POMT2: variants seen among roughly 807,000 people sequenced by gnomAD.
The protein encoded by POMT2 is protein O-mannosyl-transferase 2.
In POMT2, 75 loss-of-function variants were observed where a neutral mutation model predicts 100.0. The observed-to-expected ratio is 0.75, with a 90% CI of 0.62 to 0.91. The LOEUF is 0.91. Among genes scored for constraint, POMT2 ranks in the 40% least tolerant of loss-of-function variants. The pLI, the probability that POMT2 is intolerant of heterozygous loss-of-function variation, is 0.00. For missense variants in POMT2, 940 were observed against 955.1 expected (o/e 0.98, Z 0.21); for synonymous variants, 378 against 374.1 (o/e 1.01, Z -0.12).
intron 2 of POMT2, among the ~76,000 whole-genome samples, chr14:77,308,383 G>A (rs539522246): frequency 4.7e-5 from 6 of 128,086 alleles, no homozygotes; most frequent in African/African-American, 1.5e-4. Context: ...GAGATGAAGT[G>A]TTGCTCTTGT....
intron 1 of POMT2, chr14:77,320,227 G>A: frequency 1.3e-6 from 1 of 788,856 alleles, no homozygotes; most frequent in Non-Finnish European, 2.0e-6. Context: ...CAGATACTAA[G>A]AATCCCACTG....
chr14:77,278,784 C>G lies in POMT2; in HGVS notation c.1977G>C (p.Arg659=), dbSNP rs746640722. The G allele has an allele frequency of 8.7e-6, 14 of 1,613,778 alleles. No homozygotes were observed. The highest frequency in any genetic ancestry group is 1.2e-5 in the Non-Finnish European group (14 of 1,179,938). The change falls in exon 19 of 21, where the codon CGG becomes CGC. Residue 659 remains arginine, a synonymous_variant. Transcript: ENST00000261534. ...LHYFPFFLMG[R]VLYFHHYFPA... The stretch of plus-strand genomic sequence containing the variant: ...GGAAGTAGTGGTGGAAGTAGAGGAC[C>G]CGGCCCATCAGGAAAAACGGGAAGT...
rs1035269422 is a variant in POMT2, at chr14:77,311,837, C to T, written c.333+112G>A. The T allele has an allele frequency of 5.4e-6, 8 of 1,482,230 alleles. No homozygotes were observed. In the Admixed American group the frequency reaches 1.6e-4, roughly 29 times the overall value. 91.8% of individuals were successfully genotyped at this position (1,482,230 alleles called of 1,614,324 possible). On this transcript the variant is annotated intron_variant, in intron 2 of 20. Transcript: ENST00000261534. ...GGTCTGAAATGTCAGAAAATTCTTT[C>T]TACAAGTCCCAAATTCTTTCTAGAA...
At chr14:77,320,316 C>G in intron 1 of POMT2, 118 bp downstream of exon 1, 1 of 1,512,448 alleles carries the variant, frequency 6.6e-7, no homozygotes, top group Non-Finnish European at 8.9e-7. Flanking sequence ...ACCTCAAGTT[C>G]CCCTCCACCG....
intron 15 of POMT2, among the ~76,000 whole-genome samples, chr14:77,281,345 A>G (rs1352624665): frequency 1.3e-5 from 2 of 152,112 alleles, no homozygotes; most frequent in Admixed American, 6.5e-5. Context: ...TATACTGTAC[A>G]TCTTACTTGT....
rs778313111 is a variant in POMT2, at chr14:77,277,469, G to A, written c.2160C>T (p.Phe720=). The change falls in exon 21 of 21, where the codon TTC becomes TTT. Residue 720 remains phenylalanine, a synonymous_variant. Transcript: ENST00000261534. ...CAACCATCCCGTAAGCCAGAGGGTGGAAGAGGTAGAAGCTGTGAGAGAGAA... is the reference window on the plus strand; with the variant it reads ...CAACCATCCCGTAAGCCAGAGGGTGAAAGAGGTAGAAGCTGTGAGAGAGAA... The part of the protein sequence containing the change: ...LLGTAYSFYL[F]HPLAYGMVGP... 6.2e-7 allele frequency: 1 copy of A among 1,612,856 alleles called. No individual in the cohort carries two copies. Among genetic ancestry groups the A allele is most frequent in the South Asian group, 1.1e-5 (1 of 91,050 alleles).
chr14:77,279,213 A>G, intron 18 of POMT2: 2 of 407,766 alleles, frequency 4.9e-6, no homozygotes, highest in Non-Finnish European at 9.3e-6. Context: ...AGCGGCAGAC[A>G]GGCGCTAAGG....
Position 77,285,024 on chromosome 14 carries a change from T to C in POMT2, c.1502A>G (p.Glu501Gly). 6.2e-7 allele frequency: 1 copy of C among 1,612,562 alleles called. No individual in the cohort carries two copies. Among genetic ancestry groups the C allele is most frequent in the East Asian group, 2.2e-5 (1 of 44,854 alleles). The change falls in exon 14 of 21, where the codon GAA (glutamate) becomes GGA (glycine). Residue 501 changes from glutamate (E) to glycine (G), a missense_variant. Coordinates refer to ENST00000261534, the MANE Select transcript of POMT2 (RefSeq NM_013382.7). ...VLPKWGWEQL[E>G]VTCTPYLKET... is the part of the protein sequence containing the mutation. ...TTTCAGGTATGGGGTGCAAGTAACT[T>C]CCAACTGCTCCCAGCCCCTGTGAAA...
intron 1 of POMT2, among the ~76,000 whole-genome samples, chr14:77,318,064 G>C (rs1233731434): frequency 2.0e-5 from 3 of 152,194 alleles, no homozygotes; most frequent in Non-Finnish European, 4.4e-5. Context: ...TGAAGTTATA[G>C]TTACTAGGGT....
intron 8 of POMT2, among the ~76,000 whole-genome samples, chr14:77,297,113 G>A (rs949350245): frequency 2.6e-5 from 4 of 152,336 alleles, no homozygotes; most frequent in East Asian, 3.9e-4. Context: ...CGACTTGATC[G>A]AAGAGGTGAC....
chr14:77,297,776 C>T (rs1890882289), intron 8 of POMT2, among the ~76,000 whole-genome samples: 2 of 152,128 alleles, frequency 1.3e-5, no homozygotes, highest in Non-Finnish European at 2.9e-5. Flanking sequence ...TGTGGCTGCC[C>T]CACCATACCC....
chr14:77,278,455 GC>G lies in POMT2; in HGVS notation c.2085del (p.Trp695CysfsTer13). Reference protein sequence around the residue: ...LRLCAWGLASWPLARGIHVAG... With the variant: ...LRLCAWGLASXPLARGIHVAG... ...GCCACATGTATGCCCCTCGCCAGGG[GC>G]CATGAGGCCAAGCCCCAGGCACAGA... On this transcript the variant is annotated frameshift_variant, in exon 20 of 21. Coordinates refer to ENST00000261534, the MANE Select transcript of POMT2 (RefSeq NM_013382.7). LOFTEE classifies it high-confidence loss of function. 1 of 1,505,880 alleles carries G rather than the reference GC, an allele frequency of 6.6e-7. No homozygotes were observed. The allele number at this position is 1,505,880 out of a possible 1,614,324, so 93.3% of individuals were successfully genotyped here. A position where few individuals can be genotyped will look rare whatever the true frequency, so the allele number is the denominator to read the frequency against.
chr14:77,306,094 A>T (rs1891219697), intron 3 of POMT2, among the ~76,000 whole-genome samples: 1 of 152,164 alleles, frequency 6.6e-6, no homozygotes, highest in Non-Finnish European at 1.5e-5. Flanking sequence ...GCAGCAGGTG[A>T]CAATGCGTGC....
intron 11 of POMT2, among the ~76,000 whole-genome samples, chr14:77,287,986 C>T (rs148021968): frequency 1.3e-3 from 205 of 152,312 alleles, no homozygotes; most frequent in African/African-American, 4.5e-3. Context: ...TAAAGTGGAC[C>T]TGGGCATAAG....
At chr14:77,285,411 G>T in intron 13 of POMT2, 70 bp downstream of exon 13, 2 of 1,589,090 alleles carry the variant, frequency 1.3e-6, no homozygotes, top group African/African-American at 1.3e-5. Flanking sequence ...AAAAGCTTCT[G>T]GCATACTCCT....
At chr14:77,304,305 G>A (rs1215873648) in intron 4 of POMT2, among the ~76,000 whole-genome samples, 1 of 152,116 alleles carries the variant, frequency 6.6e-6, no homozygotes, top group African/African-American at 2.4e-5. Context: ...TTTATATTCA[G>A]TTGAAATTAG....
intron 20 of POMT2, among the ~76,000 whole-genome samples, chr14:77,277,836 TG>T (rs1566642018): frequency 6.6e-6 from 1 of 152,182 alleles, no homozygotes; most frequent in African/African-American, 2.4e-5. Context: ...GGCCAGGGAC[TG>T]GGGAAGCGGG....
At chr14:77,285,859 C>A (rs185531285) in intron 12 of POMT2, among the ~76,000 whole-genome samples, 2 of 152,248 alleles carry the variant, frequency 1.3e-5, no homozygotes, top group East Asian at 3.9e-4. Context: ...TAGTATGACT[C>A]CTGGAACCAG....
rs560011938 is a variant in POMT2 at position 77,280,860 on chromosome 14, G to A, written c.1654-397C>T. Among the ~76,000 whole-genome samples, 835 of 152,318 alleles carry A rather than the reference G, an allele frequency of 5.5e-3. 6 individuals carry two copies. Among genetic ancestry groups the A allele is most frequent in the Middle Eastern group, 0.017 (5 of 294 alleles). On this transcript the variant is annotated intron_variant, in intron 15 of 20. Transcript: ENST00000261534. ...TAACCCCAGCACTTTGGGAGGCCGA[G>A]GCGGGTGGATCACCTGAGGTCAGGA...
Sources: allele counts gnomAD v4.1 joint callset (sites outside exome capture counted in the v4.1 genomes callset), GRCh38; gene constraint gnomAD v4.1.1; transcripts MANE v1.5; gene names NCBI Gene and HGNC (gene_info 2026-07-23, HGNC 2026-07-21).